Variants in CGNL1 observed in about 807,000 individuals in gnomAD.
CGNL1 encodes the protein cingulin like 1.
In CGNL1, 132 loss-of-function variants were observed where a neutral mutation model predicts 141.2. That is an observed-to-expected ratio of 0.93 (90% CI 0.81 to 1.08). The LOEUF (loss-of-function observed/expected upper bound fraction) is 1.08, where lower values mean the gene tolerates loss of function less well. Among genes scored for constraint, CGNL1 ranks in the 50% least tolerant of loss-of-function variants. CGNL1 has a pLI of 0.00. For synonymous variants in CGNL1, 690 were observed against 622.1 expected (o/e 1.11, Z -1.63); for missense variants, 1,870 against 1,588.6 (o/e 1.18, Z -3.01).
chr15:57,428,100 A>C (rs1451388973), intron 1 of CGNL1, among the ~76,000 whole-genome samples: 3 of 152,216 alleles, frequency 2.0e-5, no homozygotes, highest in African/African-American at 7.2e-5. Context: ...AAATGTGGCA[A>C]GGAGGAAGGC....
chr15:57,506,758 T>C (rs1373997545), intron 8 of CGNL1, among the ~76,000 whole-genome samples: 4 of 152,214 alleles, frequency 2.6e-5, no homozygotes, highest in Non-Finnish European at 2.9e-5. Context: ...ATTGTGGTCA[T>C]TGACTGAGGT....
chr15:57,464,670 T>TTTCCTTTCCTTTCC (rs2063487631), intron 8 of CGNL1, among the ~76,000 whole-genome samples: 1 of 111,742 alleles, frequency 8.9e-6, no homozygotes, highest in African/African-American at 3.4e-5. Context: ...CTGCGGTTTC[T>TTTCCTTTCCTTTCC]TTTCCTTTCC....
chr15:57,432,174 C>A (rs1238579544), intron 1 of CGNL1, among the ~76,000 whole-genome samples: 1 of 152,178 alleles, frequency 6.6e-6, no homozygotes, highest in Non-Finnish European at 1.5e-5. Flanking sequence ...GAGGCAAGGG[C>A]CAGCCACAGC....
chr15:57,528,970 A>AG, intron 13 of CGNL1, 155 bp downstream of exon 13: 2 of 708,432 alleles, frequency 2.8e-6, no homozygotes, highest in Non-Finnish European at 4.6e-6. Flanking sequence ...TCTTGATTGA[A>AG]GGAAGGGGCC....
intron 1 of CGNL1, among the ~76,000 whole-genome samples, chr15:57,425,683 A>G (rs943241469): frequency 5.3e-5 from 8 of 150,854 alleles, no homozygotes; most frequent in Admixed American, 4.0e-4. Flanking sequence ...AGAGATTGCA[A>G]TGAGCTGAGG....
At chr15:57,481,707 G>A (rs2152362676) in intron 8 of CGNL1, among the ~76,000 whole-genome samples, 2 of 151,298 alleles carry the variant, frequency 1.3e-5, no homozygotes, top group South Asian at 2.1e-4. Flanking sequence ...GTGTGAATAT[G>A]TTTTAATTTT....
intron 1 of CGNL1, among the ~76,000 whole-genome samples, chr15:57,415,220 A>G (rs1385141128): frequency 6.6e-6 from 1 of 152,234 alleles, no homozygotes; most frequent in Non-Finnish European, 1.5e-5. Flanking sequence ...AAAGATGCCC[A>G]ATTCCTAATC....
chr15:57,417,033 C>T (rs2062856264), intron 1 of CGNL1, among the ~76,000 whole-genome samples: 1 of 152,190 alleles, frequency 6.6e-6, no homozygotes, highest in Non-Finnish European at 1.5e-5. Flanking sequence ...GATTTAACCA[C>T]TGAGCCTCAG....
intron 1 of CGNL1, among the ~76,000 whole-genome samples, chr15:57,391,496 T>G (rs762152385): frequency 6.6e-6 from 1 of 152,152 alleles, no homozygotes; most frequent in Non-Finnish European, 1.5e-5. Context: ...AGACAGACAC[T>G]CTCACATGTG....
intron 14 of CGNL1, among the ~76,000 whole-genome samples, chr15:57,534,639 C>T (rs2032150115): frequency 6.6e-6 from 1 of 152,172 alleles, no homozygotes; most frequent in Admixed American, 6.5e-5. Context: ...CTGCTGAAAT[C>T]AAAGCCAGAA....
chr15:57,498,168 A>C lies in CGNL1; in HGVS notation c.2404-18612A>C, dbSNP rs138015806. Among the ~76,000 whole-genome samples, 671 of 151,354 alleles carry C rather than the reference A, an allele frequency of 4.4e-3. 10 individuals carry two copies. Among genetic ancestry groups the C allele is most frequent in the African/African-American group, 0.015 (632 of 41,200 alleles). ...TTCATAGCATTGGGTTCTTGTCTCC[A>C]CTATAGAATATATAGTCTTGTGTTG... On this transcript the variant is annotated intron_variant, in intron 8 of 18. Transcript: ENST00000281282.
chr15:57,376,602 T>G (rs1378178412), intron 1 of CGNL1, 35 bp downstream of exon 1: 3 of 151,320 alleles, frequency 2.0e-5, no homozygotes, highest in Admixed American at 2.0e-4. Flanking sequence ...GGGCGGGGTG[T>G]GCGCCGGCAG....
intron 8 of CGNL1, among the ~76,000 whole-genome samples, chr15:57,463,045 G>A (rs2063466424): frequency 1.3e-5 from 2 of 152,096 alleles, no homozygotes; most frequent in Admixed American, 6.5e-5. Flanking sequence ...CATGCCAATA[G>A]GCTACTGAGT....
At chr15:57,389,374 T>C (rs1293579333) in intron 1 of CGNL1, among the ~76,000 whole-genome samples, 1 of 152,256 alleles carries the variant, frequency 6.6e-6, no homozygotes, top group East Asian at 1.9e-4. Flanking sequence ...AAAAGTAGAT[T>C]CTGCTATCAA....
chr15:57,468,540 T>G (rs1490108036), intron 8 of CGNL1, among the ~76,000 whole-genome samples: 5 of 151,220 alleles, frequency 3.3e-5, no homozygotes, highest in African/African-American at 1.2e-4. Context: ...CATTGAAGTT[T>G]TCTTTGGTAA....
At chr15:57,460,599 C>A (rs1482971803) in intron 7 of CGNL1, among the ~76,000 whole-genome samples, 1 of 152,108 alleles carries the variant, frequency 6.6e-6, no homozygotes, top group Non-Finnish European at 1.5e-5. Context: ...GAAGGGGAAG[C>A]AGGCACCTTC....
At chr15:57,544,282 G>A (rs1258824746) in intron 15 of CGNL1, among the ~76,000 whole-genome samples, 191 bp from the exon 16 acceptor site, 1 of 152,250 alleles carries the variant, frequency 6.6e-6, no homozygotes, top group East Asian at 1.9e-4. Flanking sequence ...CTTCTGGCCT[G>A]CAGCTGAGTT....
intron 4 of CGNL1, among the ~76,000 whole-genome samples, chr15:57,443,575 C>A (rs1457385020): frequency 9.2e-5 from 14 of 152,182 alleles, no homozygotes; most frequent in African/African-American, 2.7e-4. Flanking sequence ...GTTATTCCCC[C>A]AGCACTCAGC....
intron 1 of CGNL1, among the ~76,000 whole-genome samples, chr15:57,387,878 C>T (rs1595648919): frequency 6.6e-6 from 1 of 152,302 alleles, no homozygotes; most frequent in East Asian, 1.9e-4. Flanking sequence ...TGTAGCTTGT[C>T]ATTGACCCAG....
Sources: allele counts gnomAD v4.1 joint callset (sites outside exome capture counted in the v4.1 genomes callset), GRCh38; gene constraint gnomAD v4.1.1; transcripts MANE v1.5; gene names NCBI Gene and HGNC (gene_info 2026-07-23, HGNC 2026-07-21).